Variants in PTK2 observed in about 807,000 individuals in gnomAD.
The protein encoded by PTK2 is focal adhesion kinase 1.
A neutral mutation model predicts 150.1 loss-of-function variants in PTK2; 45 were observed. That is an observed-to-expected ratio of 0.30 (90% CI 0.24 to 0.38). The LOEUF is 0.38. Among genes scored for constraint, PTK2 ranks in the 10% least tolerant of loss-of-function variants. The pLI is 1.00. For missense variants in PTK2, 919 were observed against 1,307.3 expected (o/e 0.70, Z 4.58); for synonymous variants, 432 against 449.2 (o/e 0.96, Z 0.48).
At chr8:140,801,618 G>A (rs1215747273) in intron 11 of PTK2, among the ~76,000 whole-genome samples, 1 of 152,094 alleles carries the variant, frequency 6.6e-6, no homozygotes, top group Non-Finnish European at 1.5e-5. Flanking sequence ...AGCTTCTCTT[G>A]GCTTCTGCGT....
At chr8:140,686,739 G>C (rs1021122229) in intron 26 of PTK2, 45 bp from the exon 30 acceptor site, 28 of 1,513,812 alleles carry the variant, frequency 1.8e-5, no homozygotes, top group Non-Finnish European at 2.5e-5. Context: ...TTTTTGATTT[G>C]AAAATTTTTG....
chr8:140,884,384 A>ATTC (rs2100151220), intron 3 of PTK2, among the ~76,000 whole-genome samples: 1 of 152,188 alleles, frequency 6.6e-6, no homozygotes, highest in Non-Finnish European at 1.5e-5. Context: ...CTGTAAAGGA[A>ATTC]GAGTTTAATT....
At chr8:140,812,235 T>C (rs145297962) in intron 10 of PTK2, among the ~76,000 whole-genome samples, 100 of 152,228 alleles carry the variant, frequency 6.6e-4, no homozygotes, top group South Asian at 1.7e-3. Context: ...CCAAAAGAGA[T>C]TGGGGGCCAA....
rs542737063 is a variant in PTK2, at chr8:140,996,934, T to C, written c.-122+4191A>G. 4.5e-4 allele frequency among the ~76,000 whole-genome samples: 68 copies of C among 152,324 alleles called. 1 individual carries two copies. Among genetic ancestry groups the C allele is most frequent in the African/African-American group, 1.5e-3 (62 of 41,580 alleles). ...TTCATAAGGGTATAGCTGCCATAGA[T>C]AGTGATTCCTCTGATAGATCTGGGC... On this transcript the variant is annotated intron_variant, in intron 1 of 31. Transcript: ENST00000522684.
intron 14 of PTK2, among the ~76,000 whole-genome samples, chr8:140,782,409 T>A (rs1178830539): frequency 1.3e-5 from 2 of 151,996 alleles, no homozygotes; most frequent in East Asian, 3.9e-4. Flanking sequence ...CACGCCTGGC[T>A]ACAGTTTTTG....
chr8:140,675,559 C>T (rs370962178), intron 27 of PTK2, 60 bp from the exon 31 acceptor site: 6 of 1,268,572 alleles, frequency 4.7e-6, no homozygotes, highest in African/African-American at 1.5e-5. Flanking sequence ...AATGACCTCT[C>T]TCACCCACCC....
chr8:140,734,414 T>C (rs1208690102), intron 22 of PTK2, among the ~76,000 whole-genome samples: 2 of 152,188 alleles, frequency 1.3e-5, no homozygotes, highest in Admixed American at 6.5e-5. Context: ...TGAGCACTTA[T>C]ATGGTGCCAG....
intron 16 of PTK2, among the ~76,000 whole-genome samples, chr8:140,759,129 G>A (rs1378515102): frequency 2.6e-5 from 4 of 152,162 alleles, no homozygotes; most frequent in African/African-American, 9.7e-5. Context: ...TTGTCAGAAA[G>A]TATCCCCATC....
At chr8:140,922,536 G>A (rs140972032) in intron 2 of PTK2, among the ~76,000 whole-genome samples, 3 of 152,130 alleles carry the variant, frequency 2.0e-5, no homozygotes, top group Admixed American at 2.0e-4. Context: ...ACACTCCTGT[G>A]AGAACGGACT....
intron 14 of PTK2, among the ~76,000 whole-genome samples, chr8:140,788,736 C>T (rs1199961439): frequency 1.3e-5 from 2 of 151,836 alleles, no homozygotes; most frequent in African/African-American, 2.4e-5. Flanking sequence ...AAGTGAGATG[C>T]TAAAGTTAAA....
chr8:140,946,673 C>T (rs2100177812), intron 1 of PTK2, among the ~76,000 whole-genome samples: 1 of 152,178 alleles, frequency 6.6e-6, no homozygotes, highest in African/African-American at 2.4e-5. Flanking sequence ...CTTATTATGA[C>T]TACCCTATTT....
chr8:140,832,371 T>C (rs1222469559), intron 7 of PTK2, among the ~76,000 whole-genome samples: 1 of 152,114 alleles, frequency 6.6e-6, no homozygotes, highest in East Asian at 1.9e-4. Context: ...AGTTCTTAAT[T>C]TGAATCTTGG....
intron 3 of PTK2, among the ~76,000 whole-genome samples, chr8:140,889,236 C>CT (rs199654506): frequency 0.024 from 3,671 of 151,452 alleles, 159 homozygotes; most frequent in African/African-American, 0.085. Flanking sequence ...TCTTTTTTTT[C>CT]TTTTTTTTCT....
chr8:140,790,064 AC>A (rs1446215691), intron 13 of PTK2, among the ~76,000 whole-genome samples: 3,178 of 152,302 alleles, frequency 0.021, 120 homozygotes, highest in African/African-American at 0.072. Flanking sequence ...ACATGGTTTA[AC>A]ACTAGTTTTA....
intron 13 of PTK2, among the ~76,000 whole-genome samples, chr8:140,790,468 T>C (rs1376507639): frequency 1.3e-5 from 2 of 152,202 alleles, no homozygotes; most frequent in African/African-American, 4.8e-5. Flanking sequence ...AATAACTTTG[T>C]TCATGAAACA....
intron 20 of PTK2, among the ~76,000 whole-genome samples, chr8:140,741,358 G>A (rs1252817402): frequency 1.3e-5 from 2 of 151,726 alleles, no homozygotes; most frequent in African/African-American, 2.4e-5. Flanking sequence ...AGGAGGCTGC[G>A]GCAGGAGAAT....
intron 13 of PTK2, 58 bp from the exon 14 acceptor site, chr8:140,789,584 CG>C (rs2100087238): frequency 1.9e-6 from 3 of 1,555,500 alleles, no homozygotes; most frequent in East Asian, 2.3e-5. Flanking sequence ...CCCCGCAACT[CG>C]GCCTCATCAA....
At chr8:140,789,762 A>G (rs545033126) in intron 13 of PTK2, among the ~76,000 whole-genome samples, 8 of 152,356 alleles carry the variant, frequency 5.3e-5, no homozygotes, top group African/African-American at 1.7e-4. Flanking sequence ...TACTCTTGAC[A>G]ATAATTTAAA....
chr8:140,904,140 T>C (rs2154607791), intron 2 of PTK2, among the ~76,000 whole-genome samples: 1 of 152,348 alleles, frequency 6.6e-6, no homozygotes, highest in South Asian at 2.1e-4. Flanking sequence ...TGTGGGTTTG[T>C]CATAAATAGC....
Sources: gnomAD v4.1 joint callset for allele counts (sites outside exome capture counted in the v4.1 genomes callset) on GRCh38, gnomAD v4.1.1 for gene constraint, MANE v1.5 for transcripts, NCBI Gene and HGNC (gene_info 2026-07-23, HGNC 2026-07-21) for gene names.